Variants in BORCS5 observed in about 807,000 individuals in gnomAD.
The protein encoded by BORCS5 is BLOC-1-related complex subunit 5.
BORCS5 carries 17 observed loss-of-function variants against 22.1 expected under a neutral mutation model. That is an observed-to-expected ratio of 0.77 (90% CI 0.53 to 1.15). The LOEUF (loss-of-function observed/expected upper bound fraction) is 1.15, where lower values mean the gene tolerates loss of function less well. BORCS5 is among the 50% of genes most tolerant of loss of function. The pLI is 0.00. For missense variants in BORCS5, 247 were observed against 253.2 expected, an observed-to-expected ratio of 0.98 and a Z score of 0.17; for synonymous variants, 117 against 99.8, an observed-to-expected ratio of 1.17 and a Z score of -1.03.
At chr12:12,404,512 C>T (rs532432943) in intron 2 of BORCS5, among the ~76,000 whole-genome samples, 1 of 152,228 alleles carries the variant, frequency 6.6e-6, no homozygotes, top group Non-Finnish European at 1.5e-5. Flanking sequence ...CAGAGAGGAG[C>T]CCTCATGGCC....
chr12:12,387,583 G>A (rs968764145), intron 2 of BORCS5, among the ~76,000 whole-genome samples: 1 of 151,424 alleles, frequency 6.6e-6, no homozygotes, highest in Admixed American at 6.6e-5. Flanking sequence ...ATGACCCCCA[G>A]AATTGGCATA....
At chr12:12,396,258 A>G (rs899090589) in intron 2 of BORCS5, among the ~76,000 whole-genome samples, 1 of 151,298 alleles carries the variant, frequency 6.6e-6, no homozygotes, top group African/African-American at 2.5e-5. Context: ...AAGTGCTAGG[A>G]TTACAGGTGT....
intron 2 of BORCS5, among the ~76,000 whole-genome samples, chr12:12,421,309 A>T (rs1451825987): frequency 6.6e-6 from 1 of 152,046 alleles, no homozygotes; most frequent in African/African-American, 2.4e-5. Flanking sequence ...TGAGATAATC[A>T]TGTGTTTTTT....
At chr12:12,362,695 A>G (rs1275850001) in intron 2 of BORCS5, among the ~76,000 whole-genome samples, 3 of 126,858 alleles carry the variant, frequency 2.4e-5, no homozygotes, top group African/African-American at 8.5e-5. Context: ...GCTGGAGTGC[A>G]ATGGCTTGAT....
At chr12:12,415,322 G>A (rs1463185115) in intron 2 of BORCS5, among the ~76,000 whole-genome samples, 8 of 150,734 alleles carry the variant, frequency 5.3e-5, no homozygotes, top group African/African-American at 7.3e-5. Flanking sequence ...CGAGGCTGGC[G>A]GATCACTCGC....
At chr12:12,425,884 T>A (rs73285582) in intron 2 of BORCS5, among the ~76,000 whole-genome samples, 1 of 152,214 alleles carries the variant, frequency 6.6e-6, no homozygotes, top group African/African-American at 2.4e-5. Flanking sequence ...GAAAGCCTGC[T>A]TAATTGACTA....
chr12:12,431,187 C>G (rs1942414500), intron 2 of BORCS5, among the ~76,000 whole-genome samples: 1 of 152,158 alleles, frequency 6.6e-6, no homozygotes, highest in Non-Finnish European at 1.5e-5. Context: ...CACTAAGCAG[C>G]AAAACCTCTT....
At chr12:12,371,660 G>A (rs1863532027) in intron 2 of BORCS5, among the ~76,000 whole-genome samples, 1 of 152,154 alleles carries the variant, frequency 6.6e-6, no homozygotes, top group African/African-American at 2.4e-5. Context: ...TTGATCTGCA[G>A]GTTTGTACTT....
chr12:12,419,660 A>G (rs1284943032), intron 2 of BORCS5, among the ~76,000 whole-genome samples: 1 of 152,232 alleles, frequency 6.6e-6, no homozygotes, highest in Non-Finnish European at 1.5e-5. Flanking sequence ...CACTCCCACC[A>G]ACGGTGTAAA....
At chr12:12,430,151 A>ATTTTTTTCTT (rs1942385027) in intron 2 of BORCS5, among the ~76,000 whole-genome samples, 2 of 107,748 alleles carry the variant, frequency 1.9e-5, no homozygotes, top group Non-Finnish European at 3.6e-5. Flanking sequence ...CTTAGAGAAA[A>ATTTTTTTCTT]TTTTTTTTTT....
intron 3 of BORCS5, among the ~76,000 whole-genome samples, chr12:12,461,550 A>C (rs576458900): frequency 1.3e-4 from 20 of 152,262 alleles, no homozygotes; most frequent in African/African-American, 4.6e-4. Context: ...ATACAAAATG[A>C]AAGTTTATTC....
chr12:12,405,702 A>G (rs1208960317), intron 2 of BORCS5, among the ~76,000 whole-genome samples: 1 of 152,224 alleles, frequency 6.6e-6, no homozygotes. Context: ...ATTTTAGTAA[A>G]TTATAATAAT....
Position 12,359,817 on chromosome 12 carries a change from T to C in BORCS5, c.59-1389T>C, listed in dbSNP as rs1422225167. Among the ~76,000 whole-genome samples, 3 of 152,124 alleles carry C rather than the reference T, an allele frequency of 2.0e-5. No individual in the cohort carries two copies. The East Asian group carries it at 5.8e-4, about 29-fold the overall frequency. On this transcript the variant is annotated intron_variant, in intron 1 of 3. Coordinates refer to ENST00000314565, the MANE Select transcript of BORCS5 (RefSeq NM_058169.6). Reference sequence around the variant, plus strand: ...GATAGACAGCTTTGCAACTCCAGTGTCGCAGAGATGGGCCTTGTGTACCAA... The same window carrying C: ...GATAGACAGCTTTGCAACTCCAGTGCCGCAGAGATGGGCCTTGTGTACCAA...
rs984675789 is a variant in BORCS5, at chr12:12,380,204, T to C, written c.202+18855T>C. 3.3e-5 allele frequency among the ~76,000 whole-genome samples: 5 copies of C among 151,166 alleles called. 1 individual carries two copies. Among genetic ancestry groups the C allele is most frequent in the Non-Finnish European group, 7.4e-5 (5 of 67,648 alleles). On this transcript the variant is annotated intron_variant, in intron 2 of 3. Coordinates refer to ENST00000314565, the MANE Select transcript of BORCS5 (RefSeq NM_058169.6). ...TCACAGATCACCATGACAGATATCA[T>C]AATAATGGAAGTTTGAAATATTGCA...
At chr12:12,407,031 C>T (rs192711211) in intron 2 of BORCS5, among the ~76,000 whole-genome samples, 26 of 152,310 alleles carry the variant, frequency 1.7e-4, no homozygotes, top group Admixed American at 1.6e-3. Context: ...TTCTTCCAGG[C>T]AAGTGGGACA....
chr12:12,446,636 G>A (rs1218512260), intron 3 of BORCS5, among the ~76,000 whole-genome samples: 1 of 152,214 alleles, frequency 6.6e-6, no homozygotes, highest in Non-Finnish European at 1.5e-5. Flanking sequence ...TCATCAGGAG[G>A]TGTCCCTAAA....
intron 2 of BORCS5, among the ~76,000 whole-genome samples, chr12:12,378,210 A>G (rs998567035): frequency 2.0e-5 from 3 of 152,180 alleles, no homozygotes; most frequent in African/African-American, 7.2e-5. Flanking sequence ...CGTCTCTACT[A>G]AAAATACAAA....
chr12:12,370,101 C>CACAA (rs752038624), intron 2 of BORCS5, among the ~76,000 whole-genome samples: 2 of 104,976 alleles, frequency 1.9e-5, no homozygotes, highest in Non-Finnish European at 3.4e-5. Context: ...TGGTTTTATA[C>CACAA]ACACACACAC....
chr12:12,427,172 C>CTTTTTTTTTTTTTT (rs869191667), intron 2 of BORCS5, among the ~76,000 whole-genome samples: 1 of 84,488 alleles, frequency 1.2e-5, no homozygotes, highest in Non-Finnish European at 2.1e-5. Context: ...TCTTTCTTTT[C>CTTTTTTTTTTTTTT]TTTTTTTTTT....
Sources: gnomAD v4.1 joint callset for allele counts (sites outside exome capture counted in the v4.1 genomes callset) on GRCh38, gnomAD v4.1.1 for gene constraint, MANE v1.5 for transcripts, NCBI Gene and HGNC (gene_info 2026-07-23, HGNC 2026-07-21) for gene names.